PCYT1B: variants seen among roughly 807,000 people sequenced by gnomAD.
PCYT1B encodes the protein choline-phosphate cytidylyltransferase B.
PCYT1B carries 10 observed loss-of-function variants against 26.4 expected under a neutral mutation model. That is an observed-to-expected ratio of 0.38 (90% CI 0.23 to 0.64). The LOEUF (loss-of-function observed/expected upper bound fraction) is 0.64. PCYT1B is among the 30% of genes least tolerant of loss of function. The pLI is 0.56. For missense variants in PCYT1B, 161 were observed against 292.7 expected (o/e 0.55, Z 3.28); for synonymous variants, 131 against 108.4 (o/e 1.21, Z -1.29).
intron 1 of PCYT1B, among the ~76,000 whole-genome samples, chrX:24,661,678 A>G (rs1394136458): frequency 4.5e-5 from 5 of 112,017 alleles, no homozygotes. Context: ...TGTTTCTTCA[A>G]CCAAAAAATT....
At chrX:24,640,570 C>T (rs1332545646) in intron 1 of PCYT1B, among the ~76,000 whole-genome samples, 1 of 111,496 alleles carries the variant, frequency 9.0e-6, no homozygotes, top group East Asian at 2.8e-4. Flanking sequence ...CTCTAAGAAC[C>T]TGATAGGATG....
intron 5 of PCYT1B, 78 bp downstream of exon 5, chrX:24,587,163 C>T (rs1924397160): frequency 2.4e-5 from 17 of 710,160 alleles, no homozygotes; most frequent in South Asian, 2.3e-5. Flanking sequence ...CTGCAGATGT[C>T]CCAGGGCAGA....
chrX:24,664,493 A>G (rs1294354677), intron 1 of PCYT1B, among the ~76,000 whole-genome samples: 1 of 112,021 alleles, frequency 8.9e-6, no homozygotes, highest in Admixed American at 9.5e-5. Context: ...TTACCTTCTT[A>G]ATTAATAGAT....
intron 4 of PCYT1B, among the ~76,000 whole-genome samples, chrX:24,588,154 ATGTG>A (rs370978600): frequency 1.8e-5 from 2 of 108,385 alleles, no homozygotes; most frequent in Non-Finnish European, 3.8e-5. Flanking sequence ...TTCTGCTGGG[ATGTG>A]TGTGTGTGTG....
At chrX:24,621,920 C>A in intron 1 of PCYT1B, 1 of 430,503 alleles carries the variant, frequency 2.3e-6, no homozygotes. Flanking sequence ...CGTTGTAAAG[C>A]AACAATAGTT....
intron 3 of PCYT1B, among the ~76,000 whole-genome samples, chrX:24,596,390 G>A (rs1419070071): frequency 4.5e-5 from 5 of 110,771 alleles, no homozygotes; most frequent in Non-Finnish European, 9.4e-5. Context: ...TCAGGAGTTC[G>A]AGACCATCCT....
chrX:24,588,628 A>G (rs1279924650), intron 4 of PCYT1B, among the ~76,000 whole-genome samples: 1 of 111,610 alleles, frequency 9.0e-6, no homozygotes, highest in African/African-American at 3.3e-5. Context: ...GAAAGATTCA[A>G]TTAGGATTTC....
At chrX:24,604,935 T>C (rs937572034) in intron 3 of PCYT1B, among the ~76,000 whole-genome samples, 2 of 111,580 alleles carry the variant, frequency 1.8e-5, no homozygotes, top group African/African-American at 6.5e-5. Flanking sequence ...AAACCTACTA[T>C]AGAGGACATC....
chrX:24,592,087 ACT>A (rs932728466), intron 3 of PCYT1B, among the ~76,000 whole-genome samples: 2 of 111,257 alleles, frequency 1.8e-5, no homozygotes, highest in Non-Finnish European at 3.8e-5. Flanking sequence ...CCACTGTTCT[ACT>A]CTCTGTTTCC....
chrX:24,605,708 T>C (rs1221909202), intron 3 of PCYT1B, among the ~76,000 whole-genome samples: 1 of 111,380 alleles, frequency 9.0e-6, no homozygotes, highest in Non-Finnish European at 1.9e-5. Context: ...GTGGATCACC[T>C]GAGGCCAGGA....
intron 3 of PCYT1B, among the ~76,000 whole-genome samples, chrX:24,604,591 C>G (rs1312559321): frequency 1.8e-5 from 2 of 111,282 alleles, no homozygotes; most frequent in African/African-American, 6.5e-5. Context: ...GTTGTGCAGG[C>G]TGGAATGCAA....
In PCYT1B at chrX:24,593,365, C is replaced by T. The variant is rs779028472; in HGVS notation, c.335-3191G>A. Among the ~76,000 whole-genome samples, 25 of 106,077 alleles carry T rather than the reference C, an allele frequency of 2.4e-4. No individual in the cohort carries two copies. In the South Asian group the frequency reaches 5.5e-3, roughly 23 times the overall value. The allele number at this position is 106,077 out of a possible 115,157, so 92.1% of individuals were successfully genotyped here. On this transcript the variant is annotated intron_variant, in intron 3 of 7. Coordinates refer to ENST00000379144, the MANE Select transcript of PCYT1B (RefSeq NM_004845.5). Reference sequence around the variant, plus strand: ...TCTTTCTTTGTTTCTTTCTTTCTTTCGTTTCTTTCTTTCTCTCTCTCTCTC... The same window carrying T: ...TCTTTCTTTGTTTCTTTCTTTCTTTTGTTTCTTTCTTTCTCTCTCTCTCTC...
upstream of PCYT1B, among the ~76,000 whole-genome samples, chrX:24,651,467 AAAAAAATATATATATATATATATAT>A (rs1324751276): frequency 1.3e-4 from 4 of 30,445 alleles, 1 homozygote; most frequent in African/African-American, 4.8e-4. Flanking sequence ...AAAAAAAAAA[AAAAAAATATATATATATATATATAT>A]ATATATATAT....
Position 24,559,327 on chromosome X carries a change from A to G in PCYT1B, c.*2966T>C, listed in dbSNP as rs1286714087. ...AGCAAAACTCCATCTCAAAAAAAAAAAAAAAGAAAGAAAGAAGAAAGAACA... is the reference window on the plus strand; with the variant it reads ...AGCAAAACTCCATCTCAAAAAAAAAGAAAAAGAAAGAAAGAAGAAAGAACA... On this transcript the variant is annotated 3_prime_UTR_variant, in exon 8 of 8. Transcript: ENST00000379144. 1.8e-5 allele frequency: 2 copies of G among 108,927 alleles called. No individual in the cohort carries two copies. The highest frequency in any genetic ancestry group is 3.3e-5 in the African/African-American group (1 of 29,985). 9.0% of individuals were successfully genotyped at this position (108,927 alleles called of 1,213,427 possible). A position where few individuals can be genotyped will look rare whatever the true frequency, so the allele number is the denominator to read the frequency against.
chrX:24,584,374 G>A (rs1395143622), intron 5 of PCYT1B, among the ~76,000 whole-genome samples: 3 of 112,122 alleles, frequency 2.7e-5, no homozygotes, highest in Non-Finnish European at 3.8e-5. Context: ...TATTAATCAC[G>A]CCATGCTGTA....
In PCYT1B at chrX:24,607,757, A is replaced by G; in HGVS notation, c.322T>C (p.Leu108=). ...ATGCACTTCTTACCTCCTACCAACA[A>G]GTAGCTGTTGGGAAACAGTGTTTTT... ...QAKTLFPNSY[L]LVGVCSDDLT... Residue 108 remains leucine, a synonymous_variant, in exon 3 of 8, where the codon TTG becomes CTG. Coordinates refer to ENST00000379144, the MANE Select transcript of PCYT1B (RefSeq NM_004845.5). The G allele has an allele frequency of 1.7e-6, 2 of 1,146,072 alleles. No homozygotes were observed. The highest frequency in any genetic ancestry group is 2.4e-6 in the Non-Finnish European group (2 of 837,943). The allele number at this position is 1,146,072 out of a possible 1,213,427, so 94.4% of individuals were successfully genotyped here. A position where few individuals can be genotyped will look rare whatever the true frequency, so the allele number is the denominator to read the frequency against.
At chrX:24,653,067 G>A (rs956845356) in intron 1 of PCYT1B, among the ~76,000 whole-genome samples, 3 of 112,115 alleles carry the variant, frequency 2.7e-5, no homozygotes, top group African/African-American at 9.7e-5. Flanking sequence ...CAGCCTGAAC[G>A]ACAGAGGAGA....
intron 1 of PCYT1B, among the ~76,000 whole-genome samples, chrX:24,630,585 A>G (rs190857696): frequency 4.4e-3 from 494 of 111,880 alleles, no homozygotes; most frequent in African/African-American, 0.014. Context: ...GTGAGCCACC[A>G]CGCCCAGTCA....
In PCYT1B at chrX:24,560,401, A is replaced by AC. The variant is rs1923363877; in HGVS notation, c.*1891dup. Reference sequence around the variant, plus strand: ...CCTGAGTGCATGATGGAAGACAGAGACCAAATGGAAGAATGAGGCCCTTGT... The same window carrying AC: ...CCTGAGTGCATGATGGAAGACAGAGACCCAAATGGAAGAATGAGGCCCTTGT... On this transcript the variant is annotated 3_prime_UTR_variant, in exon 8 of 8. Coordinates refer to ENST00000379144, the MANE Select transcript of PCYT1B (RefSeq NM_004845.5). The AC allele has an allele frequency of 9.0e-6, 1 of 111,705 alleles. No individual in the cohort carries two copies. The highest frequency in any genetic ancestry group is 3.9e-4 in the South Asian group (1 of 2,591). The allele number at this position is 111,705 out of a possible 1,213,427, so 9.2% of individuals were successfully genotyped here.
Sources: gnomAD v4.1 joint callset for allele counts (sites outside exome capture counted in the v4.1 genomes callset) on GRCh38, gnomAD v4.1.1 for gene constraint, MANE v1.5 for transcripts, NCBI Gene and HGNC (gene_info 2026-07-23, HGNC 2026-07-21) for gene names.